TBC1D32: variants seen among roughly 807,000 people sequenced by gnomAD.
The protein encoded by TBC1D32 is TBC1 domain family member 32.
A neutral mutation model predicts 170.3 loss-of-function variants in TBC1D32; 151 were observed. The observed-to-expected ratio is 0.89, with a 90% confidence interval of 0.78 to 1.01. TBC1D32 has a LOEUF of 1.01. Among genes scored for constraint, TBC1D32 ranks in the 50% least tolerant of loss-of-function variants. The probability of loss-of-function intolerance (pLI) is 0.00; values close to 1 mark genes in which losing one functional copy is unlikely to be tolerated. For synonymous variants in TBC1D32, 498 were observed against 488.0 expected (o/e 1.02, Z -0.27); for missense variants, 1,464 against 1,457.1 (o/e 1.00, Z -0.08).
At chr6:121,322,629 A>ACCTGCTTTATCC (rs1404158714) in intron 1 of TBC1D32, among the ~76,000 whole-genome samples, 5 of 152,282 alleles carry the variant, frequency 3.3e-5, no homozygotes, top group Admixed American at 1.3e-4. Flanking sequence ...CAGTTATATG[A>ACCTGCTTTATCC]CCTGCTTTAT....
intron 26 of TBC1D32, chr6:121,115,448 AG>A (rs771154533): frequency 9.8e-6 from 4 of 409,914 alleles, no homozygotes; most frequent in Non-Finnish European, 1.7e-5. Context: ...TCCCATAAAA[AG>A]CATTGGAAAA....
At chr6:121,291,786 C>T (rs886326804) in intron 12 of TBC1D32, among the ~76,000 whole-genome samples, 1 of 151,792 alleles carries the variant, frequency 6.6e-6, no homozygotes. Flanking sequence ...GGAATGAGAA[C>T]TTAAACAAGG....
At chr6:121,220,041 C>T (rs1318816198) in intron 21 of TBC1D32, among the ~76,000 whole-genome samples, 1 of 152,108 alleles carries the variant, frequency 6.6e-6, no homozygotes, top group African/African-American at 2.4e-5. Context: ...TCTCCTGGGG[C>T]CTCCTTATTA....
chr6:121,173,740 G>T (rs1776811), intron 22 of TBC1D32, among the ~76,000 whole-genome samples: 141,495 of 151,964 alleles, frequency 0.93, 66,599 homozygotes, highest in Non-Finnish European at 1. Flanking sequence ...GAGGATGGCC[G>T]GAAAAAGGAG....
chr6:121,128,540 T>A (rs1029417486), intron 25 of TBC1D32, among the ~76,000 whole-genome samples: 1 of 152,118 alleles, frequency 6.6e-6, no homozygotes, highest in Non-Finnish European at 1.5e-5. Flanking sequence ...AAGTAAACTA[T>A]AGAATATTGT....
intron 5 of TBC1D32, among the ~76,000 whole-genome samples, chr6:121,307,059 A>C (rs1188990058): frequency 6.6e-6 from 1 of 152,046 alleles, no homozygotes; most frequent in Admixed American, 6.6e-5. Flanking sequence ...ATTTGAGAGT[A>C]TCATAAAACA....
At chr6:121,128,741 A>G (rs944940792) in intron 25 of TBC1D32, among the ~76,000 whole-genome samples, 3 of 152,124 alleles carry the variant, frequency 2.0e-5, no homozygotes, top group Non-Finnish European at 4.4e-5. Context: ...CTGAGAAAAA[A>G]CTAAGGCAGA....
At chr6:121,245,345 A>C (rs904761412) in intron 17 of TBC1D32, among the ~76,000 whole-genome samples, 12 of 152,194 alleles carry the variant, frequency 7.9e-5, no homozygotes, top group African/African-American at 2.9e-4. Flanking sequence ...GGCTAGACCC[A>C]GAAGAGCAAT....
At chr6:121,333,665 A>C (rs185893633) in intron 1 of TBC1D32, among the ~76,000 whole-genome samples, 1 of 152,292 alleles carries the variant, frequency 6.6e-6, no homozygotes, top group East Asian at 1.9e-4. Context: ...GAAATCGTGG[A>C]AGTATTCTTT....
In TBC1D32 at chr6:121,286,987, G is replaced by C. The variant is rs551408539; in HGVS notation, c.1373-3077C>G. On this transcript the variant is annotated intron_variant, in intron 12 of 31. Transcript: ENST00000398212. ...TGTCACCACCAGGCCTGCCCTAAAA[G>C]AGCTCCTGAAGGAAGCACTAAACAT... is the stretch of plus-strand genomic sequence containing the variant. 7.2e-5 allele frequency among the ~76,000 whole-genome samples: 11 copies of C among 152,180 alleles called. No individual in the cohort carries two copies. In the East Asian group the frequency reaches 1.4e-3, roughly 19 times the overall value.
In TBC1D32 at chr6:121,205,122, C is replaced by G. The variant is rs1238557215; in HGVS notation, c.2523G>C (p.Lys841Asn). 1.3e-6 allele frequency: 2 copies of G among 1,534,038 alleles called. No homozygotes were observed. Among genetic ancestry groups the G allele is most frequent in the Non-Finnish European group, 1.8e-6 (2 of 1,131,392 alleles). The change falls in exon 22 of 32, where the codon AAG (lysine) becomes AAC (asparagine). Residue 841 changes from lysine (K) to asparagine (N), a missense_variant. Transcript: ENST00000398212. ...DRLIILNSEA[K>N]IRSLFNYEQS... ...GTTCATAGTTGAATAAAGAACGAAT[C>G]TTAGCTTCAGAATTCAAAATTATAA...
At chr6:121,267,728 C>G (rs548262984) in intron 15 of TBC1D32, among the ~76,000 whole-genome samples, 3 of 152,176 alleles carry the variant, frequency 2.0e-5, no homozygotes, top group African/African-American at 7.2e-5. Context: ...CTTCTGCAGA[C>G]TTAAATGTCC....
At chr6:121,190,205 C>T (rs1425829231) in intron 22 of TBC1D32, among the ~76,000 whole-genome samples, 2 of 150,826 alleles carry the variant, frequency 1.3e-5, no homozygotes, top group African/African-American at 4.9e-5. Flanking sequence ...CTCTTTCTCT[C>T]ACCTGACCTC....
intron 24 of TBC1D32, among the ~76,000 whole-genome samples, chr6:121,146,946 C>T (rs1290669172): frequency 6.6e-6 from 1 of 152,064 alleles, no homozygotes; most frequent in Non-Finnish European, 1.5e-5. Context: ...CCAACAGCAG[C>T]TTTTCATCCC....
rs1013999753 is a variant in TBC1D32 at position 121,197,001 on chromosome 6, C to A, written c.2570+8074G>T. Among the ~76,000 whole-genome samples the A allele has an allele frequency of 6.6e-5, 10 of 152,070 alleles. No individual in the cohort carries two copies. In the East Asian group the frequency reaches 1.9e-3, roughly 29 times the overall value. On this transcript the variant is annotated intron_variant, in intron 22 of 31. Coordinates refer to ENST00000398212, the MANE Select transcript of TBC1D32 (RefSeq NM_152730.6). ...CTTAGTTCCAGAGGGAGGAACATTG[C>A]CACCAGGAGACAAAACAATGATTCC... is the stretch of plus-strand genomic sequence containing the variant.
intron 1 of TBC1D32, among the ~76,000 whole-genome samples, chr6:121,333,415 C>A (rs548787705): frequency 2.0e-5 from 3 of 152,176 alleles, no homozygotes; most frequent in Non-Finnish European, 4.4e-5. Context: ...CTCTGACCCC[C>A]CTTCTCTGTC....
intron 21 of TBC1D32, among the ~76,000 whole-genome samples, chr6:121,216,440 T>TA: frequency 6.6e-6 from 1 of 152,166 alleles, no homozygotes. Flanking sequence ...CCCTGACTAA[T>TA]ACAGATTTTG....
intron 1 of TBC1D32, among the ~76,000 whole-genome samples, chr6:121,324,533 C>T (rs1339804184): frequency 6.6e-6 from 1 of 152,042 alleles, no homozygotes. Flanking sequence ...TTCAGAAATA[C>T]AGTCCAAGAA....
At chr6:121,225,556 T>C (rs1478600130) in intron 20 of TBC1D32, among the ~76,000 whole-genome samples, 2 of 152,056 alleles carry the variant, frequency 1.3e-5, no homozygotes, top group East Asian at 1.9e-4. Flanking sequence ...AAGAATTCAA[T>C]TGATGATTAT....
Sources: gnomAD v4.1 joint callset for allele counts (sites outside exome capture counted in the v4.1 genomes callset) on GRCh38, gnomAD v4.1.1 for gene constraint, MANE v1.5 for transcripts, NCBI Gene and HGNC (gene_info 2026-07-23, HGNC 2026-07-21) for gene names.